Variants in GRID2 observed in about 807,000 individuals in gnomAD.
The protein encoded by GRID2 is glutamate ionotropic receptor delta type subunit 2, also known as glutamate receptor ionotropic, delta-2.
Under a neutral mutation model 114.8 loss-of-function variants are expected in GRID2, and 33 were observed. The observed-to-expected ratio is 0.29, with a 90% confidence interval of 0.22 to 0.38. The LOEUF is 0.38. GRID2 is among the 10% of genes least tolerant of loss of function. The pLI, the probability that GRID2 is intolerant of heterozygous loss-of-function variation, is 1.00. For missense variants in GRID2, 1,184 were observed against 1,257.7 expected, an observed-to-expected ratio of 0.94 and a Z score of 0.89; for synonymous variants, 505 against 449.9, an observed-to-expected ratio of 1.12 and a Z score of -1.55.
chr4:93,628,662 A>T lies in GRID2; in HGVS notation c.2360+2227A>T, dbSNP rs75729396. Among the ~76,000 whole-genome samples, 312 of 152,292 alleles carry T rather than the reference A, an allele frequency of 2.0e-3. 8 individuals are homozygous for T. The East Asian group carries it at 0.055, about 27-fold the overall frequency. ...CAGAAATGTTTAATGCATGCTTAACATTACAGAGCTAGTTGAGAAAAGGAT... is the reference window on the plus strand; with the variant it reads ...CAGAAATGTTTAATGCATGCTTAACTTTACAGAGCTAGTTGAGAAAAGGAT... On this transcript the variant is annotated intron_variant, in intron 14 of 15. Transcript: ENST00000282020.
intron 2 of GRID2, among the ~76,000 whole-genome samples, chr4:92,741,257 T>G (rs1317482081): frequency 6.6e-6 from 1 of 152,160 alleles, no homozygotes; most frequent in African/African-American, 2.4e-5. Context: ...GTGGATTTAA[T>G]GAACTAGTAT....
At chr4:93,196,687 A>T (rs979886558) in intron 4 of GRID2, among the ~76,000 whole-genome samples, 7 of 152,130 alleles carry the variant, frequency 4.6e-5, no homozygotes, top group African/African-American at 1.7e-4. Flanking sequence ...AGACTAATTA[A>T]CTGTCTAACT....
intron 13 of GRID2, among the ~76,000 whole-genome samples, chr4:93,525,598 A>G (rs1168906657): frequency 2.0e-5 from 3 of 152,312 alleles, no homozygotes; most frequent in Non-Finnish European, 2.9e-5. Flanking sequence ...CATATTTTAA[A>G]ATTGTGGAAA....
intron 13 of GRID2, among the ~76,000 whole-genome samples, chr4:93,586,740 G>A (rs1393045380): frequency 2.0e-5 from 3 of 152,044 alleles, no homozygotes; most frequent in African/African-American, 7.2e-5. Flanking sequence ...TGTTCCACTG[G>A]ACCTGTTGCT....
At chr4:93,507,952 G>T (rs1333442445) in intron 12 of GRID2, among the ~76,000 whole-genome samples, 1 of 152,002 alleles carries the variant, frequency 6.6e-6, no homozygotes, top group African/African-American at 2.4e-5. Context: ...CTTTAAAAAT[G>T]AACAATGAGA....
chr4:93,379,553 GTC>G lies in GRID2; in HGVS notation c.1246-16052_1246-16051del, dbSNP rs552892654. On this transcript the variant is annotated intron_variant, in intron 8 of 15. Coordinates refer to ENST00000282020, the MANE Select transcript of GRID2 (RefSeq NM_001510.4). ...GCATCTCAGTATCTCAGCCATAAATGTCTAAGGGATAATAATCCCGCTACATA... is the reference window on the plus strand; with the variant it reads ...GCATCTCAGTATCTCAGCCATAAATGTAAGGGATAATAATCCCGCTACATA... Among the ~76,000 whole-genome samples the G allele has an allele frequency of 9.9e-4, 151 of 152,212 alleles. 1 individual carries two copies. The highest frequency in any genetic ancestry group is 3.6e-3 in the African/African-American group (148 of 41,552).
chr4:92,346,370 T>C (rs1378074470), intron 1 of GRID2, among the ~76,000 whole-genome samples: 1 of 152,166 alleles, frequency 6.6e-6, no homozygotes, highest in Non-Finnish European at 1.5e-5. Context: ...ACTTTTTTTG[T>C]TTTGTTTTGT....
intron 14 of GRID2, among the ~76,000 whole-genome samples, chr4:93,765,608 T>TTTTATATATATATATATATA (rs1553999281): frequency 2.7e-4 from 8 of 29,500 alleles, no homozygotes; most frequent in African/African-American, 9.5e-4. Flanking sequence ...AGGTGAGGTA[T>TTTTATATATATATATATATA]TATATATATA....
chr4:92,641,574 C>G (rs994175356), intron 2 of GRID2, among the ~76,000 whole-genome samples: 7 of 151,560 alleles, frequency 4.6e-5, no homozygotes, highest in Admixed American at 4.0e-4. Context: ...ACAAAACTTG[C>G]AGGTATAAAA....
chr4:93,007,379 C>G (rs565118961), intron 2 of GRID2, among the ~76,000 whole-genome samples: 23 of 151,774 alleles, frequency 1.5e-4, no homozygotes, highest in Non-Finnish European at 2.8e-4. Flanking sequence ...GCAAACAGAT[C>G]AAATTACTTA....
chr4:92,648,679 C>T (rs34340904), intron 2 of GRID2, among the ~76,000 whole-genome samples: 34,926 of 148,374 alleles, frequency 0.24, 5,040 homozygotes, highest in South Asian at 0.31. Context: ...GAGAAGTGTG[C>T]CCAGTAAAGC....
intron 4 of GRID2, among the ~76,000 whole-genome samples, chr4:93,152,432 C>CT: frequency 6.6e-6 from 1 of 152,156 alleles, no homozygotes. Flanking sequence ...TACATGATTG[C>CT]TTTTCCAGGA....
At chr4:93,574,683 C>T (rs1736253985) in intron 13 of GRID2, among the ~76,000 whole-genome samples, 1 of 152,148 alleles carries the variant, frequency 6.6e-6, no homozygotes, top group African/African-American at 2.4e-5. Flanking sequence ...CCCACCAGGT[C>T]CCTCCCACAA....
In GRID2 at chr4:93,605,368, G is replaced by T. The variant is rs114296981; in HGVS notation, c.2194-20901G>T. 7.5e-3 allele frequency among the ~76,000 whole-genome samples: 1,145 copies of T among 152,222 alleles called. 13 individuals carry two copies. The highest frequency in any genetic ancestry group is 0.026 in the African/African-American group (1,060 of 41,538). On this transcript the variant is annotated intron_variant, in intron 13 of 15. Coordinates refer to ENST00000282020, the MANE Select transcript of GRID2 (RefSeq NM_001510.4). ...ACATTTCAAAACATTCTATGAAACT[G>T]TGCTGAGTCATACCTACACTTTTTG...
chr4:93,770,301 G>A lies in GRID2; in HGVS notation c.2601+851G>A, dbSNP rs1283067370. ...ATCTGAATTTGCTAAACAATTTTAT[G>A]TGATGGATAGCTTCAAAGAAACTTT... On this transcript the variant is annotated intron_variant, in intron 15 of 15. Transcript: ENST00000282020. Among the ~76,000 whole-genome samples, 3 of 152,336 alleles carry A rather than the reference G, an allele frequency of 2.0e-5. No individual in the cohort carries two copies. The East Asian group carries it at 5.8e-4, about 29-fold the overall frequency.
At chr4:92,654,976 G>A (rs1579777516) in intron 2 of GRID2, among the ~76,000 whole-genome samples, 3 of 151,948 alleles carry the variant, frequency 2.0e-5, no homozygotes, top group Non-Finnish European at 4.4e-5. Flanking sequence ...CTGATGTCCT[G>A]AAGAGTGTTT....
chr4:93,099,230 C>G (rs1347793407), intron 3 of GRID2, among the ~76,000 whole-genome samples: 1 of 151,736 alleles, frequency 6.6e-6, no homozygotes, highest in Non-Finnish European at 1.5e-5. Context: ...TGAAAGCAAT[C>G]TTACTTATAA....
At chr4:92,458,201 G>A (rs927624590) in intron 1 of GRID2, among the ~76,000 whole-genome samples, 3 of 152,092 alleles carry the variant, frequency 2.0e-5, no homozygotes, top group Admixed American at 1.3e-4. Context: ...AATAAATAGG[G>A]AAGCTAAATT....
At chr4:92,633,020 C>A (rs1265278670) in intron 2 of GRID2, among the ~76,000 whole-genome samples, 1 of 152,110 alleles carries the variant, frequency 6.6e-6, no homozygotes, top group Non-Finnish European at 1.5e-5. Flanking sequence ...AGATGTAGCA[C>A]CAAATCCCCT....
Sources: gnomAD v4.1 joint callset for allele counts (sites outside exome capture counted in the v4.1 genomes callset) on GRCh38, gnomAD v4.1.1 for gene constraint, MANE v1.5 for transcripts, NCBI Gene and HGNC (gene_info 2026-07-23, HGNC 2026-07-21) for gene names.